Variants in ADAMTS18 observed in about 807,000 individuals in gnomAD.
ADAMTS18 encodes the protein A disintegrin and metalloproteinase with thrombospondin motifs 18.
In ADAMTS18, 157 loss-of-function variants were observed where a neutral mutation model predicts 165.9. The ratio of observed to expected loss-of-function variants is 0.95; its 90% CI spans 0.83 to 1.08. The LOEUF (loss-of-function observed/expected upper bound fraction) is 1.08. Ranked by LOEUF, ADAMTS18 falls within the 50% of genes least tolerant of loss-of-function variation. The pLI is 0.00. For synonymous variants in ADAMTS18, 782 were observed against 578.2 expected (o/e 1.35, Z -5.06); for missense variants, 2,040 against 1,534.0 (o/e 1.33, Z -5.51).
intron 16 of ADAMTS18, among the ~76,000 whole-genome samples, chr16:77,301,412 G>A (rs193101640): frequency 3.9e-5 from 6 of 152,200 alleles, no homozygotes; most frequent in Admixed American, 2.6e-4. Context: ...TGTAGGAAAA[G>A]CATCTGTCTG....
intron 4 of ADAMTS18, among the ~76,000 whole-genome samples, 161 bp from the exon 5 acceptor site, chr16:77,364,542 T>C (rs1442648134): frequency 2.1e-5 from 3 of 143,964 alleles, no homozygotes; most frequent in Non-Finnish European, 4.5e-5. Flanking sequence ...GTGCCTTGCA[T>C]CTAGTATGTG....
chr16:77,424,738 T>C (rs1034387226), intron 3 of ADAMTS18, among the ~76,000 whole-genome samples: 1 of 152,112 alleles, frequency 6.6e-6, no homozygotes, highest in African/African-American at 2.4e-5. Context: ...ATGAAATGAG[T>C]AATAGCCTAA....
chr16:77,357,685 T>C (rs935915707), intron 8 of ADAMTS18, among the ~76,000 whole-genome samples: 7 of 152,216 alleles, frequency 4.6e-5, no homozygotes, highest in African/African-American at 1.7e-4. Flanking sequence ...AATTTTGAAC[T>C]TAACAATCTT....
intron 4 of ADAMTS18, among the ~76,000 whole-genome samples, chr16:77,364,777 G>GAAAGC (rs1278397724): frequency 2.7e-5 from 4 of 149,308 alleles, no homozygotes; most frequent in Non-Finnish European, 4.4e-5. Context: ...GAAAGCAAAG[G>GAAAGC]AAAGCAAAGC....
chr16:77,417,611 C>T (rs2057547468), intron 3 of ADAMTS18, among the ~76,000 whole-genome samples: 1 of 152,174 alleles, frequency 6.6e-6, no homozygotes, highest in Admixed American at 6.5e-5. Flanking sequence ...TGCAAAAGAG[C>T]TCTTTGCCTC....
At chr16:77,293,366 C>T (rs1220661253) in intron 19 of ADAMTS18, 108 bp from the exon 20 acceptor site, 5 of 996,298 alleles carry the variant, frequency 5.0e-6, no homozygotes, top group Non-Finnish European at 7.7e-6. Context: ...GGGATAAACT[C>T]CATGAACTAA....
chr16:77,321,269 G>C lies in ADAMTS18; in HGVS notation c.2164-67C>G. ...GAAGCCAGAGGCTGGGAATAATTAA[G>C]AGGTATATGGTTCTCTGTATTTACA... On this transcript the variant is annotated intron_variant, in intron 14 of 22. Transcript: ENST00000282849. 3.1e-6 allele frequency: 5 copies of C among 1,592,188 alleles called. No homozygotes were observed. In the South Asian group the frequency reaches 4.4e-5, roughly 14 times the overall value.
At chr16:77,334,748 GTATACTATAGTATACAGTA>G (rs2056269811) in intron 12 of ADAMTS18, among the ~76,000 whole-genome samples, 1 of 108,894 alleles carries the variant, frequency 9.2e-6, no homozygotes, top group Non-Finnish European at 1.7e-5. Flanking sequence ...TATATATACT[GTATACTATAGTATACAGTA>G]TATATACTAT....
intron 10 of ADAMTS18, among the ~76,000 whole-genome samples, chr16:77,349,821 T>C (rs1280041640): frequency 2.0e-5 from 3 of 152,332 alleles, no homozygotes; most frequent in South Asian, 4.1e-4. Flanking sequence ...TACAATGCTC[T>C]CTAGAATGAT....
intron 3 of ADAMTS18, among the ~76,000 whole-genome samples, chr16:77,419,253 T>G (rs1270799538): frequency 6.6e-6 from 1 of 152,170 alleles, no homozygotes; most frequent in Non-Finnish European, 1.5e-5. Flanking sequence ...TCACCCAGGC[T>G]ACATTCCTTT....
intron 16 of ADAMTS18, among the ~76,000 whole-genome samples, chr16:77,311,696 T>G (rs918564606): frequency 1.6e-5 from 1 of 62,642 alleles, no homozygotes; most frequent in African/African-American, 6.4e-5. Context: ...ACTAGATTAC[T>G]GGAGTTTTCT....
intron 16 of ADAMTS18, among the ~76,000 whole-genome samples, chr16:77,313,207 C>T (rs1358524869): frequency 6.6e-6 from 1 of 151,994 alleles, no homozygotes; most frequent in Non-Finnish European, 1.5e-5. Flanking sequence ...AAAAATCAAA[C>T]ACCACATGTT....
At chr16:77,357,483 G>T (rs900851357) in intron 8 of ADAMTS18, among the ~76,000 whole-genome samples, 23 of 152,248 alleles carry the variant, frequency 1.5e-4, no homozygotes, top group African/African-American at 5.5e-4. Flanking sequence ...TTCTTTGGGA[G>T]ACACCCTTTC....
At chr16:77,422,079 G>C (rs1350311216) in intron 3 of ADAMTS18, among the ~76,000 whole-genome samples, 1 of 152,034 alleles carries the variant, frequency 6.6e-6, no homozygotes, top group African/African-American at 2.4e-5. Flanking sequence ...AGAGTGTCCA[G>C]CCAAAAACTA....
rs1597171680 is a variant in ADAMTS18 at position 77,362,202 on chromosome 16, A to T, written c.1119T>A (p.Ser373=). The change falls in exon 7 of 23, where the codon TCT becomes TCA. Residue 373 remains serine (S), a synonymous_variant. Coordinates refer to ENST00000282849, the MANE Select transcript of ADAMTS18 (RefSeq NM_199355.4). ...QSLNSFCQWQ[S]ALIGKNGKRH... is the part of the protein sequence containing the mutation. ...TCTTGCCATTCTTTCCAATGAGGGC[A>T]GACTGCCATTGACAAAAACTATTCA... 1 of 1,614,058 alleles carries T rather than the reference A, an allele frequency of 6.2e-7. No individual in the cohort carries two copies. The highest frequency in any genetic ancestry group is 1.7e-5 in the Admixed American group (1 of 60,012).
In ADAMTS18 at chr16:77,431,409, A is replaced by T. The variant is rs775570001; in HGVS notation, c.381T>A (p.Leu127=). 20 of 1,614,034 alleles carry T rather than the reference A, an allele frequency of 1.2e-5. No individual in the cohort carries two copies. In the Admixed American group the frequency reaches 3.3e-4, roughly 27 times the overall value. The change falls in exon 3 of 23, where the codon CTT becomes CTA. Residue 127 remains leucine, a synonymous_variant. Coordinates refer to ENST00000282849, the MANE Select transcript of ADAMTS18 (RefSeq NM_199355.4). ...GAGTCTCTGAAGCACCATCTTTTCC[A>T]AGTACCTGGACAATAAAGTGACTGC... The part of the protein sequence containing the change: ...ILSSHFIVQV[L]GKDGASETQK...
intron 3 of ADAMTS18, among the ~76,000 whole-genome samples, chr16:77,380,013 C>T (rs915687964): frequency 3.3e-5 from 5 of 152,164 alleles, no homozygotes; most frequent in Middle Eastern, 3.2e-3. Context: ...ATGCTGATAA[C>T]GGTAGACTAG....
chr16:77,338,920 C>T (rs1241746693), intron 11 of ADAMTS18, among the ~76,000 whole-genome samples: 1 of 147,890 alleles, frequency 6.8e-6, no homozygotes, highest in African/African-American at 2.5e-5. Flanking sequence ...TGCCACTGCA[C>T]TCCAGCCTGG....
intron 11 of ADAMTS18, among the ~76,000 whole-genome samples, chr16:77,340,305 G>T (rs1048784220): frequency 1.3e-5 from 2 of 152,120 alleles, no homozygotes; most frequent in African/African-American, 4.8e-5. Flanking sequence ...CTCCCAAGTA[G>T]CTGGGATTTC....
Sources: allele counts gnomAD v4.1 joint callset (sites outside exome capture counted in the v4.1 genomes callset), GRCh38; gene constraint gnomAD v4.1.1; transcripts MANE v1.5; gene names NCBI Gene and HGNC (gene_info 2026-07-23, HGNC 2026-07-21).